The following GRID2 variants were observed in gnomAD, a reference collection of about 807,000 sequenced individuals.
GRID2 encodes glutamate receptor ionotropic, delta-2.
Under a neutral mutation model 114.8 loss-of-function variants are expected in GRID2, and 33 were observed. The ratio of observed to expected loss-of-function variants is 0.29; its 90% CI spans 0.22 to 0.38. The LOEUF (loss-of-function observed/expected upper bound fraction) is 0.38, where lower values mean the gene tolerates loss of function less well. GRID2 is among the 10% of genes least tolerant of loss of function. The pLI is 1.00. For missense variants in GRID2, 1,184 were observed against 1,257.7 expected, an observed-to-expected ratio of 0.94 and a Z score of 0.89; for synonymous variants, 505 against 449.9, an observed-to-expected ratio of 1.12 and a Z score of -1.55.
chr4:92,623,610 A>G (rs949483077), intron 2 of GRID2, among the ~76,000 whole-genome samples: 2 of 151,796 alleles, frequency 1.3e-5, no homozygotes, highest in African/African-American at 4.8e-5. Flanking sequence ...GCATGTGTTC[A>G]TGGCAAAACA....
intron 13 of GRID2, among the ~76,000 whole-genome samples, chr4:93,536,190 A>G (rs1732052316): frequency 6.6e-6 from 1 of 151,994 alleles, no homozygotes; most frequent in Non-Finnish European, 1.5e-5. Context: ...ATTTTACGTA[A>G]ATAGAAAGAA....
chr4:93,606,378 C>T (rs2149651924), intron 13 of GRID2, among the ~76,000 whole-genome samples: 1 of 152,108 alleles, frequency 6.6e-6, no homozygotes, highest in East Asian at 1.9e-4. Flanking sequence ...AATAATACAG[C>T]CATTTAGGGA....
chr4:93,279,167 A>T (rs1752385510), intron 8 of GRID2, among the ~76,000 whole-genome samples: 1 of 151,770 alleles, frequency 6.6e-6, no homozygotes, highest in Non-Finnish European at 1.5e-5. Flanking sequence ...ATTCCAATAA[A>T]TGTTTAAGTA....
At chr4:92,546,076 A>G (rs945854239) in intron 1 of GRID2, among the ~76,000 whole-genome samples, 2 of 152,104 alleles carry the variant, frequency 1.3e-5, no homozygotes, top group African/African-American at 4.8e-5. Flanking sequence ...CCCTATCACA[A>G]TCTGCCTGTT....
chr4:92,930,836 T>A (rs569651370), intron 2 of GRID2, among the ~76,000 whole-genome samples: 25 of 151,224 alleles, frequency 1.7e-4, no homozygotes, highest in Admixed American at 7.9e-4. Context: ...AATAAAATAA[T>A]TGAATATCTA....
intron 1 of GRID2, among the ~76,000 whole-genome samples, chr4:92,581,899 C>G (rs577857250): frequency 6.6e-6 from 1 of 152,130 alleles, no homozygotes; most frequent in South Asian, 2.1e-4. Context: ...CCACTCATAC[C>G]TTTCTACACT....
chr4:92,536,359 TTAGC>T (rs1725631283), intron 1 of GRID2, among the ~76,000 whole-genome samples: 1 of 152,130 alleles, frequency 6.6e-6, no homozygotes, highest in Non-Finnish European at 1.5e-5. Context: ...TTACAGTCCT[TTAGC>T]TAGACAGAAA....
chr4:92,757,746 G>A (rs956940309), intron 2 of GRID2, among the ~76,000 whole-genome samples: 5 of 151,906 alleles, frequency 3.3e-5, no homozygotes, highest in Admixed American at 1.3e-4. Context: ...AGCCATTGAA[G>A]CAGAATGAAA....
chr4:92,977,425 T>C (rs946070860), intron 2 of GRID2, among the ~76,000 whole-genome samples: 11 of 152,136 alleles, frequency 7.2e-5, no homozygotes, highest in Non-Finnish European at 1.2e-4. Context: ...GAGAAATTAA[T>C]ATAACTGGCA....
At chr4:93,411,948 A>G (rs1767183865) in intron 9 of GRID2, among the ~76,000 whole-genome samples, 2 of 151,862 alleles carry the variant, frequency 1.3e-5, no homozygotes, top group South Asian at 2.1e-4. Context: ...TATTAAAAAA[A>G]AAAAAAGAAA....
At chr4:93,745,163 TA>T (rs1731735902) in intron 14 of GRID2, among the ~76,000 whole-genome samples, 1 of 152,188 alleles carries the variant, frequency 6.6e-6, no homozygotes, top group Non-Finnish European at 1.5e-5. Flanking sequence ...CTGTAATTGT[TA>T]TTGCTGTCAT....
intron 14 of GRID2, among the ~76,000 whole-genome samples, chr4:93,696,674 C>T (rs1023362218): frequency 2.0e-4 from 30 of 152,260 alleles, no homozygotes; most frequent in African/African-American, 7.0e-4. Flanking sequence ...AATTTCAGGT[C>T]CACTTTTCAC....
chr4:93,391,783 G>C (rs950218310), intron 8 of GRID2, among the ~76,000 whole-genome samples: 1 of 152,122 alleles, frequency 6.6e-6, no homozygotes, highest in Non-Finnish European at 1.5e-5. Context: ...TTGATCATTA[G>C]TACACATGTT....
chr4:92,452,972 A>C (rs931958405), intron 1 of GRID2, among the ~76,000 whole-genome samples: 1 of 150,146 alleles, frequency 6.7e-6, no homozygotes, highest in African/African-American at 2.4e-5. Flanking sequence ...GTGTGCATAC[A>C]CTTATGCATT....
chr4:93,227,433 T>G (rs1745619340), intron 7 of GRID2, among the ~76,000 whole-genome samples: 1 of 152,168 alleles, frequency 6.6e-6, no homozygotes, highest in African/African-American at 2.4e-5. Flanking sequence ...TTCATCATGT[T>G]GGCCAGGCCG....
chr4:93,615,028 G>A (rs1741456216), intron 13 of GRID2, among the ~76,000 whole-genome samples: 1 of 152,112 alleles, frequency 6.6e-6, no homozygotes, highest in Admixed American at 6.5e-5. Flanking sequence ...ACTTTGGTGT[G>A]CAATGCTGCT....
At chr4:93,551,233 T>C (rs1245860641) in intron 13 of GRID2, among the ~76,000 whole-genome samples, 1 of 152,094 alleles carries the variant, frequency 6.6e-6, no homozygotes, top group Non-Finnish European at 1.5e-5. Context: ...TAACTCAACA[T>C]TGAAATAAGT....
intron 2 of GRID2, among the ~76,000 whole-genome samples, chr4:92,801,602 G>A (rs980596769): frequency 2.0e-5 from 3 of 151,584 alleles, no homozygotes; most frequent in Non-Finnish European, 2.9e-5. Flanking sequence ...CTTCACTTAA[G>A]CTACATAACT....
intron 1 of GRID2, among the ~76,000 whole-genome samples, chr4:92,393,330 T>A (rs1429827233): frequency 2.0e-5 from 3 of 152,166 alleles, no homozygotes; most frequent in Admixed American, 6.6e-5. Context: ...TTCCATCTCC[T>A]TTACATATAG....
Sources: gnomAD v4.1 joint callset for allele counts (sites outside exome capture counted in the v4.1 genomes callset) on GRCh38, gnomAD v4.1.1 for gene constraint, MANE v1.5 for transcripts, NCBI Gene and HGNC (gene_info 2026-07-23, HGNC 2026-07-21) for gene names.